The following SMOC1 variants were observed in gnomAD, a reference collection of about 807,000 sequenced individuals.
The protein encoded by SMOC1 is SPARC-related modular calcium-binding protein 1.
In SMOC1, 22 loss-of-function variants were observed where a neutral mutation model predicts 56.3. The observed-to-expected ratio is 0.39, with a 90% CI of 0.28 to 0.56. SMOC1 has a LOEUF of 0.56. Among genes scored for constraint, SMOC1 ranks in the 20% least tolerant of loss-of-function variants. SMOC1 has a pLI of 0.61. For missense variants in SMOC1, 509 were observed against 565.4 expected (o/e 0.90, Z 1.01); for synonymous variants, 193 against 215.0 (o/e 0.90, Z 0.89).
intron 5 of SMOC1, among the ~76,000 whole-genome samples, chr14:69,990,254 A>G (rs1884513713): frequency 6.6e-6 from 1 of 152,206 alleles, no homozygotes; most frequent in Non-Finnish European, 1.5e-5. Context: ...TTTCATCTGG[A>G]TGATGGGAGA....
At chr14:69,940,872 T>C (rs1368040224) in intron 1 of SMOC1, among the ~76,000 whole-genome samples, 1 of 152,092 alleles carries the variant, frequency 6.6e-6, no homozygotes, top group Non-Finnish European at 1.5e-5. Context: ...CTTTGAGGGA[T>C]GAGGAGAGGG....
chr14:69,995,418 G>T (rs539712310), intron 7 of SMOC1, among the ~76,000 whole-genome samples: 11 of 152,300 alleles, frequency 7.2e-5, no homozygotes, highest in African/African-American at 2.6e-4. Context: ...CTGTGACTTG[G>T]GCTGGTCATT....
intron 1 of SMOC1, among the ~76,000 whole-genome samples, chr14:69,937,921 T>C (rs1479092437): frequency 2.0e-5 from 3 of 152,172 alleles, no homozygotes; most frequent in African/African-American, 7.2e-5. Context: ...TTCGATGATA[T>C]AGCAAGACTG....
chr14:69,983,305 C>T (rs17107529), intron 5 of SMOC1, among the ~76,000 whole-genome samples: 4,871 of 152,278 alleles, frequency 0.032, 149 homozygotes, highest in African/African-American at 0.075. Flanking sequence ...TGATATTTTA[C>T]GCTTGGTGCT....
At chr14:69,932,431 G>A (rs1486008306) in intron 1 of SMOC1, among the ~76,000 whole-genome samples, 1 of 152,184 alleles carries the variant, frequency 6.6e-6, no homozygotes, top group Non-Finnish European at 1.5e-5. Flanking sequence ...CCTGGGGCTG[G>A]GGGTGTGCTG....
chr14:69,934,038 C>T (rs1859956749), intron 1 of SMOC1, among the ~76,000 whole-genome samples: 1 of 152,146 alleles, frequency 6.6e-6, no homozygotes, highest in Non-Finnish European at 1.5e-5. Flanking sequence ...ATCTTCGATA[C>T]TGTAACTGCC....
intron 1 of SMOC1, among the ~76,000 whole-genome samples, chr14:69,931,705 T>C (rs1289045673): frequency 6.6e-6 from 1 of 152,126 alleles, no homozygotes; most frequent in Non-Finnish European, 1.5e-5. Context: ...ACCACAATTA[T>C]GAAAAATAAG....
At chr14:70,004,986 A>G (rs535826808) in intron 7 of SMOC1, among the ~76,000 whole-genome samples, 39 of 152,314 alleles carry the variant, frequency 2.6e-4, no homozygotes, top group Non-Finnish European at 4.7e-4. Context: ...TGGTCTACCA[A>G]TAACTGCTGA....
chr14:69,965,668 A>G (rs889912237), intron 3 of SMOC1, among the ~76,000 whole-genome samples: 9 of 152,150 alleles, frequency 5.9e-5, no homozygotes, highest in African/African-American at 2.2e-4. Flanking sequence ...CAGCTGTGCC[A>G]TGGGGATGGG....
intron 1 of SMOC1, among the ~76,000 whole-genome samples, chr14:69,923,118 G>A (rs1455456789): frequency 1.3e-5 from 2 of 151,792 alleles, no homozygotes; most frequent in African/African-American, 4.8e-5. Flanking sequence ...CTAATTTTTT[G>A]TATTTTTTAG....
rs1440913141 is a variant in SMOC1, at chr14:70,030,355, C to A, written c.*97C>A. 1 of 1,471,782 alleles carries A rather than the reference C, an allele frequency of 6.8e-7. No individual in the cohort carries two copies. Among genetic ancestry groups the A allele is most frequent in the Non-Finnish European group, 9.4e-7 (1 of 1,067,430 alleles). The allele number at this position is 1,471,782 out of a possible 1,614,324, so 91.2% of individuals were successfully genotyped here. A position where few individuals can be genotyped will look rare whatever the true frequency, so the allele number is the denominator to read the frequency against. On this transcript the variant is annotated 3_prime_UTR_variant, in exon 12 of 12. Coordinates refer to ENST00000361956, the MANE Select transcript of SMOC1 (RefSeq NM_001034852.3). The stretch of plus-strand genomic sequence containing the variant: ...CGTTGCCCATGGCCCTGCCACATCC[C>A]GTGTAACATAAGTGGTGCCCACCAT...
In SMOC1 at chr14:70,023,091, T is replaced by G. The variant is rs1263146880; in HGVS notation, c.1047-112T>G. The G allele has an allele frequency of 2.6e-6, 4 of 1,559,470 alleles. No homozygotes were observed. In the East Asian group the frequency reaches 9.0e-5, roughly 35 times the overall value. On this transcript the variant is annotated intron_variant, in intron 10 of 11. Coordinates refer to ENST00000361956, the MANE Select transcript of SMOC1 (RefSeq NM_001034852.3). ...TGAGCCGCTGTGGGTGGACTTTGGC[T>G]TGGAGGAGCCGTTTCTACCTGACTT...
chr14:70,027,808 C>G (rs1440311131), intron 11 of SMOC1, among the ~76,000 whole-genome samples: 1 of 152,132 alleles, frequency 6.6e-6, no homozygotes, highest in Non-Finnish European at 1.5e-5. Context: ...TGGTACATAG[C>G]GAAGGCACAA....
At chr14:70,024,530 C>T (rs1885854070) in intron 11 of SMOC1, among the ~76,000 whole-genome samples, 1 of 152,014 alleles carries the variant, frequency 6.6e-6, no homozygotes, top group African/African-American at 2.4e-5. Context: ...ATAAATTTGC[C>T]AACCCATGGT....
intron 7 of SMOC1, among the ~76,000 whole-genome samples, chr14:70,010,460 G>A (rs1338099744): frequency 1.3e-5 from 2 of 152,264 alleles, no homozygotes; most frequent in Non-Finnish European, 2.9e-5. Flanking sequence ...GCCACTCTGA[G>A]AAGGGGCATC....
intron 4 of SMOC1, among the ~76,000 whole-genome samples, chr14:69,977,608 A>G (rs1178542650): frequency 6.6e-6 from 1 of 152,160 alleles, no homozygotes; most frequent in East Asian, 1.9e-4. Context: ...TGAGGGGCAG[A>G]TATTGGAATA....
At chr14:69,953,247 C>T (rs150468598) in intron 2 of SMOC1, among the ~76,000 whole-genome samples, 173 bp from the exon 3 acceptor site, 50 of 152,204 alleles carry the variant, frequency 3.3e-4, no homozygotes, top group East Asian at 2.3e-3. Context: ...GAATGACATA[C>T]GGGGAAGGGG....
chr14:69,933,599 G>A lies in SMOC1; in HGVS notation c.100-18539G>A, dbSNP rs151325605. On this transcript the variant is annotated intron_variant, in intron 1 of 11. Transcript: ENST00000361956. ...GGCTGGGGTACAATGGTGTGATCTC[G>A]GCTCACTGCAACCTGCGCCTCCTGG... Among the ~76,000 whole-genome samples the A allele has an allele frequency of 5.1e-3, 772 of 151,432 alleles. 6 individuals carry two copies. Among genetic ancestry groups the A allele is most frequent in the African/African-American group, 0.017 (719 of 41,232 alleles).
At chr14:69,934,453 C>A (rs951620492) in intron 1 of SMOC1, among the ~76,000 whole-genome samples, 2 of 152,140 alleles carry the variant, frequency 1.3e-5, no homozygotes, top group Admixed American at 6.5e-5. Flanking sequence ...TGTTAGAGAG[C>A]AGCTCCCCAG....
Sources: gnomAD v4.1 joint callset for allele counts (sites outside exome capture counted in the v4.1 genomes callset) on GRCh38, gnomAD v4.1.1 for gene constraint, MANE v1.5 for transcripts, NCBI Gene and HGNC (gene_info 2026-07-23, HGNC 2026-07-21) for gene names.